Variants in MCU observed in about 807,000 individuals in gnomAD.
MCU encodes the protein mitochondrial calcium uniporter.
Under a neutral mutation model 45.2 loss-of-function variants are expected in MCU, and 12 were observed. That is an observed-to-expected ratio of 0.27 (90% CI 0.17 to 0.43). MCU has a LOEUF of 0.43. MCU is among the 20% of genes least tolerant of loss of function. The pLI, the probability that MCU is intolerant of heterozygous loss-of-function variation, is 1.00. For missense variants in MCU, 324 were observed against 436.7 expected, an observed-to-expected ratio of 0.74 and a Z score of 2.30; for synonymous variants, 160 against 165.1, an observed-to-expected ratio of 0.97 and a Z score of 0.24.
chr10:72,792,616 G>C (rs1334522217), intron 1 of MCU, among the ~76,000 whole-genome samples: 2 of 152,086 alleles, frequency 1.3e-5, no homozygotes, highest in African/African-American at 4.8e-5. Context: ...AGGGCCAGGT[G>C]CCTGGAATTT....
chr10:72,876,124 A>G (rs907205296), intron 6 of MCU, among the ~76,000 whole-genome samples: 3 of 152,202 alleles, frequency 2.0e-5, no homozygotes, highest in Non-Finnish European at 2.9e-5. Context: ...CTCAATTCCA[A>G]TAACCGTCAT....
At chr10:72,773,475 TA>T (rs1843842816) in intron 1 of MCU, among the ~76,000 whole-genome samples, 1 of 152,150 alleles carries the variant, frequency 6.6e-6, no homozygotes, top group South Asian at 2.1e-4. Flanking sequence ...AAAGACTGTA[TA>T]TAAGATATAG....
At chr10:72,703,466 G>T (rs976206079) in intron 1 of MCU, among the ~76,000 whole-genome samples, 1 of 152,212 alleles carries the variant, frequency 6.6e-6, no homozygotes, top group Non-Finnish European at 1.5e-5. Flanking sequence ...TGTGGTGAGG[G>T]ATCAGACTAT....
chr10:72,802,118 A>G (rs1844352361), intron 1 of MCU, among the ~76,000 whole-genome samples: 1 of 152,198 alleles, frequency 6.6e-6, no homozygotes, highest in South Asian at 2.1e-4. Flanking sequence ...TCTGTCCTGA[A>G]GGACAACAGG....
intron 1 of MCU, chr10:72,731,217 C>A (rs911390755): frequency 6.6e-6 from 1 of 152,102 alleles, no homozygotes; most frequent in African/African-American, 2.4e-5. Context: ...TGTGAGCCAC[C>A]ACACCTGGCT....
Position 72,859,229 on chromosome 10 carries a change from A to T in MCU, c.273A>T (p.Pro91=). The T allele has an allele frequency of 6.2e-7, 1 of 1,612,906 alleles. No individual in the cohort carries two copies. The highest frequency in any genetic ancestry group is 8.5e-7 in the Non-Finnish European group (1 of 1,179,610). Residue 91 remains proline, a synonymous_variant, in exon 3 of 8, where the codon CCA becomes CCT. Transcript: ENST00000373053. ...NGLPVISVRL[P]SRRERCQFTL... is the part of the protein sequence containing the mutation. ...TACCTGTGATATCTGTGAGGCTACC[A>T]TCCCGGCGTGAACGCTGTCAGTTCA...
At chr10:72,728,536 T>G (rs925059167) in intron 1 of MCU, among the ~76,000 whole-genome samples, 2 of 151,860 alleles carry the variant, frequency 1.3e-5, no homozygotes, top group Non-Finnish European at 2.9e-5. Context: ...GAGTGAAGAG[T>G]ATTTCAGTAG....
intron 1 of MCU, among the ~76,000 whole-genome samples, chr10:72,807,131 C>T (rs551687145): frequency 6.6e-6 from 1 of 152,118 alleles, no homozygotes; most frequent in South Asian, 2.1e-4. Flanking sequence ...TCAGGAGTAG[C>T]ATTTTCATTT....
chr10:72,731,347 T>G (rs573565255), intron 1 of MCU, among the ~76,000 whole-genome samples: 29 of 152,228 alleles, frequency 1.9e-4, no homozygotes, highest in Admixed American at 4.6e-4. Flanking sequence ...TTGTAGATAT[T>G]CTTGTCACTG....
At chr10:72,806,135 G>A (rs1402344690) in intron 1 of MCU, among the ~76,000 whole-genome samples, 3 of 151,314 alleles carry the variant, frequency 2.0e-5, no homozygotes, top group African/African-American at 7.3e-5. Context: ...CATAGGTAGG[G>A]AATGGGCCAT....
intron 4 of MCU, among the ~76,000 whole-genome samples, chr10:72,866,638 G>T (rs900561936): frequency 6.6e-6 from 1 of 152,058 alleles, no homozygotes; most frequent in Non-Finnish European, 1.5e-5. Flanking sequence ...CTCGTGATTC[G>T]TCCACCTTTG....
chr10:72,693,848 A>T (rs914560038), intron 1 of MCU, among the ~76,000 whole-genome samples: 4 of 152,232 alleles, frequency 2.6e-5, no homozygotes, highest in African/African-American at 9.6e-5. Context: ...CCGTCGAACT[A>T]CTTAAAGGCT....
chr10:72,709,030 A>G (rs1206989684), intron 1 of MCU, among the ~76,000 whole-genome samples: 1 of 152,058 alleles, frequency 6.6e-6, no homozygotes, highest in African/African-American at 2.4e-5. Context: ...AAATTTAAGA[A>G]ATTGATACAG....
At chr10:72,798,174 TAAAAC>T (rs1844280622) in intron 1 of MCU, among the ~76,000 whole-genome samples, 1 of 151,948 alleles carries the variant, frequency 6.6e-6, no homozygotes, top group South Asian at 2.1e-4. Flanking sequence ...ACAAAGAAAA[TAAAAC>T]TGTACATAAC....
chr10:72,805,163 C>CTTTCTT (rs1187966928), intron 1 of MCU, among the ~76,000 whole-genome samples: 26 of 134,730 alleles, frequency 1.9e-4, no homozygotes, highest in African/African-American at 8.5e-4. Flanking sequence ...TTCTTTCTGT[C>CTTTCTT]TCTCTCTCTC....
At chr10:72,698,166 A>G (rs1370672338) in intron 1 of MCU, among the ~76,000 whole-genome samples, 1 of 152,162 alleles carries the variant, frequency 6.6e-6, no homozygotes, top group Non-Finnish European at 1.5e-5. Flanking sequence ...GAACTTTTCT[A>G]AGTCCCAAGT....
intron 2 of MCU, among the ~76,000 whole-genome samples, chr10:72,853,838 A>G (rs1475031085): frequency 1.3e-5 from 2 of 152,112 alleles, no homozygotes; most frequent in African/African-American, 4.8e-5. Context: ...CCCTGTCTCT[A>G]CAAAAATAAA....
intron 2 of MCU, among the ~76,000 whole-genome samples, chr10:72,849,856 A>G (rs1413625680): frequency 6.6e-6 from 1 of 152,196 alleles, no homozygotes; most frequent in African/African-American, 2.4e-5. Context: ...TCTTAGTCAA[A>G]TGATGAGATC....
intron 1 of MCU, among the ~76,000 whole-genome samples, chr10:72,758,041 A>C (rs1843603392): frequency 6.6e-6 from 1 of 152,258 alleles, no homozygotes; most frequent in Non-Finnish European, 1.5e-5. Context: ...AAGGAAAAGT[A>C]AATATGTGGC....
Sources: gnomAD v4.1 joint callset for allele counts (sites outside exome capture counted in the v4.1 genomes callset) on GRCh38, gnomAD v4.1.1 for gene constraint, MANE v1.5 for transcripts, NCBI Gene and HGNC (gene_info 2026-07-23, HGNC 2026-07-21) for gene names.